The following NRG1 variants were observed in gnomAD, a reference collection of about 807,000 sequenced individuals.
NRG1 encodes the protein pro-neuregulin-1, membrane-bound isoform.
NRG1 carries 18 observed loss-of-function variants against 63.8 expected under a neutral mutation model. That is an observed-to-expected ratio of 0.28 (90% confidence interval 0.19 to 0.42). The LOEUF is 0.42. NRG1 is among the 10% of genes least tolerant of loss of function. The pLI is 1.00. For missense variants in NRG1, 762 were observed against 814.7 expected, an observed-to-expected ratio of 0.94 and a Z score of 0.79; for synonymous variants, 302 against 301.3, an observed-to-expected ratio of 1.00 and a Z score of -0.02.
At chr8:32,469,193 C>A (rs1823461694) in intron 1 of NRG1, among the ~76,000 whole-genome samples, 1 of 152,162 alleles carries the variant, frequency 6.6e-6, no homozygotes, top group African/African-American at 2.4e-5. Flanking sequence ...ATATAACAGT[C>A]ATGTGGCATC....
chr8:32,259,282 GA>G (rs1199420268), intron 1 of NRG1, among the ~76,000 whole-genome samples: 1 of 152,210 alleles, frequency 6.6e-6, no homozygotes, highest in Non-Finnish European at 1.5e-5. Context: ...TTTAACAGGC[GA>G]TTAGGCCATG....
chr8:31,840,473 C>G (rs1268844910), intron 1 of NRG1, among the ~76,000 whole-genome samples: 1 of 151,068 alleles, frequency 6.6e-6, no homozygotes, highest in East Asian at 2.0e-4. Context: ...CTGCATTCCA[C>G]CTGGACCCTG....
intron 1 of NRG1, among the ~76,000 whole-genome samples, chr8:31,653,843 A>G (rs1197191621): frequency 6.6e-6 from 1 of 152,130 alleles, no homozygotes; most frequent in Non-Finnish European, 1.5e-5. Flanking sequence ...TCTCCCTGGC[A>G]TGTTAGGTTG....
intron 7 of NRG1, among the ~76,000 whole-genome samples, chr8:32,753,837 C>T (rs1204962004): frequency 6.6e-6 from 1 of 151,964 alleles, no homozygotes. Context: ...TTTGTAAAGA[C>T]CACTGGATAT....
At chr8:32,608,101 T>G (rs868087113) in intron 3 of NRG1, among the ~76,000 whole-genome samples, 324 of 125,068 alleles carry the variant, frequency 2.6e-3, no homozygotes, top group African/African-American at 3.8e-3. Context: ...TGTTTTTTTT[T>G]TTTTTGTTTT....
intron 1 of NRG1, among the ~76,000 whole-genome samples, chr8:32,584,347 G>C (rs1286598512): frequency 6.6e-6 from 1 of 152,190 alleles, no homozygotes; most frequent in African/African-American, 2.4e-5. Context: ...TGGGGTAGAA[G>C]TAAAATGATA....
chr8:32,516,190 G>A (rs1302356301), intron 1 of NRG1, among the ~76,000 whole-genome samples: 2 of 151,960 alleles, frequency 1.3e-5, no homozygotes, highest in Admixed American at 6.6e-5. Flanking sequence ...TATTTTTGTC[G>A]ACTTTGTCAA....
At chr8:31,668,727 G>C (rs1159524210) in intron 1 of NRG1, among the ~76,000 whole-genome samples, 2 of 152,170 alleles carry the variant, frequency 1.3e-5, no homozygotes, top group Non-Finnish European at 1.5e-5. Context: ...ATTGTGAAAA[G>C]TATGTTTTCT....
At chr8:32,752,479 C>T (rs181989336) in intron 7 of NRG1, among the ~76,000 whole-genome samples, 9 of 152,316 alleles carry the variant, frequency 5.9e-5, no homozygotes, top group Admixed American at 5.2e-4. Context: ...ATGCACCAGC[C>T]GCTTCGCTTT....
chr8:31,968,647 C>A (rs1319609547), intron 1 of NRG1, among the ~76,000 whole-genome samples: 1 of 152,088 alleles, frequency 6.6e-6, no homozygotes, highest in African/African-American at 2.4e-5. Context: ...TGTCTCTGAA[C>A]CTGCAGGCAT....
intron 1 of NRG1, among the ~76,000 whole-genome samples, chr8:32,018,274 A>G (rs945247623): frequency 3.9e-5 from 6 of 152,210 alleles, no homozygotes; most frequent in Non-Finnish European, 5.9e-5. Flanking sequence ...GAGGGGAAAC[A>G]ACTTTTACTT....
At chr8:31,880,601 A>G (rs1224719752) in intron 1 of NRG1, among the ~76,000 whole-genome samples, 1 of 152,206 alleles carries the variant, frequency 6.6e-6, no homozygotes. Flanking sequence ...TGAACCTTCA[A>G]TAAAACAGAC....
intron 1 of NRG1, among the ~76,000 whole-genome samples, chr8:32,337,793 T>C (rs1803517514): frequency 6.6e-6 from 1 of 151,958 alleles, no homozygotes; most frequent in Non-Finnish European, 1.5e-5. Flanking sequence ...TAAAGTCTGT[T>C]TTCTCTGACA....
At chr8:32,625,927 G>A (rs568581608) in intron 5 of NRG1, among the ~76,000 whole-genome samples, 18 of 151,876 alleles carry the variant, frequency 1.2e-4, no homozygotes, top group Admixed American at 2.6e-4. Flanking sequence ...CCAAGTAGCT[G>A]GGATTACAGG....
intron 1 of NRG1, among the ~76,000 whole-genome samples, chr8:31,785,689 G>A (rs115236466): frequency 0.012 from 1,887 of 152,194 alleles, 34 homozygotes; most frequent in African/African-American, 0.042. Flanking sequence ...CTTTCTATGT[G>A]TGGTTAAAAA....
At chr8:32,165,178 G>A (rs1839271022) in intron 1 of NRG1, among the ~76,000 whole-genome samples, 1 of 149,218 alleles carries the variant, frequency 6.7e-6, no homozygotes, top group South Asian at 2.1e-4. Context: ...TCATTCTGTT[G>A]CACAGGCTGA....
At chr8:32,541,735 C>T (rs1055991445) in intron 1 of NRG1, among the ~76,000 whole-genome samples, 3 of 152,154 alleles carry the variant, frequency 2.0e-5, no homozygotes, top group African/African-American at 7.2e-5. Flanking sequence ...ATCTGAATCT[C>T]TCTCTTGGCT....
chr8:32,533,007 A>G (rs1831605977), intron 1 of NRG1, among the ~76,000 whole-genome samples: 1 of 151,420 alleles, frequency 6.6e-6, no homozygotes, highest in Non-Finnish European at 1.5e-5. Context: ...TTAGATTACT[A>G]CATGTTGATG....
chr8:32,735,112 G>C (rs759982175), intron 6 of NRG1, among the ~76,000 whole-genome samples: 8 of 152,276 alleles, frequency 5.3e-5, no homozygotes, highest in Admixed American at 1.3e-4. Context: ...AATAAAAAAA[G>C]AGTATGCAGT....
Sources: gnomAD v4.1 joint callset for allele counts (sites outside exome capture counted in the v4.1 genomes callset) on GRCh38, gnomAD v4.1.1 for gene constraint, MANE v1.5 for transcripts, NCBI Gene and HGNC (gene_info 2026-07-23, HGNC 2026-07-21) for gene names.